The following MYH6 variants were observed in gnomAD, a reference collection of about 807,000 sequenced individuals.
MYH6 encodes the protein myosin heavy chain 6.
A neutral mutation model predicts 223.2 loss-of-function variants in MYH6; 126 were observed. The observed-to-expected ratio is 0.56, with a 90% CI of 0.49 to 0.65. The LOEUF (loss-of-function observed/expected upper bound fraction) is 0.65, where lower values mean the gene tolerates loss of function less well. Ranked by LOEUF, MYH6 falls within the 30% of genes least tolerant of loss-of-function variation. The pLI, the probability that MYH6 is intolerant of heterozygous loss-of-function variation, is 0.00. For missense variants in MYH6, 2,040 were observed against 2,536.4 expected (o/e 0.80, Z 4.20); for synonymous variants, 978 against 1,010.2 (o/e 0.97, Z 0.61).
intron 17 of MYH6, 44 bp from the exon 18 acceptor site, chr14:23,397,124 T>G (rs1358577937): frequency 6.2e-7 from 1 of 1,614,216 alleles, no homozygotes; most frequent in Admixed American, 1.7e-5. Flanking sequence ...TAGGGTAAAG[T>G]GGATGCCAGC....
Position 23,387,842 on chromosome 14 carries a change from T to A in MYH6, c.4441A>T (p.Thr1481Ser), listed in dbSNP as rs780855004. Residue 1481 changes from threonine (T) to serine (S), a missense_variant, in exon 31 of 39, where the codon ACA becomes TCA. By Grantham distance (58) the Thr-to-Ser change is moderately conservative. This residue lies in a region of MYH6 where 1,203 missense variants were observed against 1,400.2 expected (regional missense o/e 0.86). Transcript: ENST00000405093. ...GCGTTCTTGAGCTTGAAGAGCTCTG[T>A]GCTGAGGGAGCGAGCCTCCTTCTGT... The part of the protein sequence containing the change: ...SSQKEARSLS[T>S]ELFKLKNAYE... 6.2e-7 allele frequency: 1 copy of A among 1,614,118 alleles called. No individual in the cohort carries two copies. The highest frequency in any genetic ancestry group is 1.1e-5 in the South Asian group (1 of 91,082).
intron 13 of MYH6, 105 bp from the exon 14 acceptor site, chr14:23,400,531 T>A (rs1226645714): frequency 6.3e-7 from 1 of 1,596,418 alleles, no homozygotes; most frequent in African/African-American, 1.3e-5. Context: ...GGCTGTCCCC[T>A]CCATGTCAGG....
chr14:23,400,964 C>A lies in MYH6; in HGVS notation c.1155G>T (p.Ser385=), dbSNP rs147903010. 20 of 1,614,116 alleles carry A rather than the reference C, an allele frequency of 1.2e-5. No individual in the cohort carries two copies. In the Admixed American group the frequency reaches 3.0e-4, roughly 24 times the overall value. The part of the protein sequence containing the change: ...EPDGTEDADK[S]AYLMGLNSAD... ...CTGAGTTCAGCCCCATGAGGTAGGC[C>A]GACTTGTCAGCATCTGGTTGAGAGG... Residue 385 remains serine (S), a synonymous_variant, in exon 13 of 39, where the codon TCG becomes TCT. Coordinates refer to ENST00000405093, the MANE Select transcript of MYH6 (RefSeq NM_002471.4).
rs201845555 is a variant in MYH6, at chr14:23,397,663, C to G, written c.1892-50G>C. The G allele has an allele frequency of 2.8e-4, 448 of 1,592,860 alleles. 1 individual carries two copies. Among genetic ancestry groups the G allele is most frequent in the Non-Finnish European group, 2.2e-4 (253 of 1,161,230 alleles). ...CAACAGGAGCTGGAAAATAAAGGAG[C>G]CCTTGGGCAGAGGCAGAGCTCTGCT... On this transcript the variant is annotated intron_variant, in intron 15 of 38. Transcript: ENST00000405093.
chr14:23,397,964 C>CTTCTTCTTCTTCTTCTTCTTCTTCTAT (rs1891471811), intron 15 of MYH6, among the ~76,000 whole-genome samples: 3 of 124,636 alleles, frequency 2.4e-5, no homozygotes, highest in Non-Finnish European at 5.0e-5. Context: ...TCTTCTTCTT[C>CTTCTTCTTCTTCTTCTTCTTCTTCTAT]TTCTTCTTCT....
rs773659892 is a variant in MYH6 at position 23,400,861 on chromosome 14, G to A, written c.1258C>T (p.Gln420Ter). ...AGAGCCCCGATGGAGTAGTACACCT[G>A]CTGCACGCTCTGCCCCTTGGTGACA... ...EYVTKGQSVQ[Q>*]VYYSIGALAK... The change falls in exon 13 of 39, where the codon CAG becomes TAG. Residue 420 changes from glutamine to a stop codon, truncating the protein, a stop_gained. Coordinates refer to ENST00000405093, the MANE Select transcript of MYH6 (RefSeq NM_002471.4). LOFTEE classifies it high-confidence loss of function. The A allele has an allele frequency of 1.2e-6, 2 of 1,614,224 alleles. No homozygotes were observed. Among genetic ancestry groups the A allele is most frequent in the South Asian group, 1.1e-5 (1 of 91,084 alleles).
At chr14:23,399,111 C>A in intron 14 of MYH6, 74 bp from the exon 15 acceptor site, 1 of 1,573,578 alleles carries the variant, frequency 6.4e-7, no homozygotes, top group Non-Finnish European at 8.7e-7. Flanking sequence ...CATACCCTGA[C>A]AGGAAAAGGA....
At chr14:23,387,336 AGACT>A (rs1891060622) in intron 32 of MYH6, among the ~76,000 whole-genome samples, 189 bp downstream of exon 32, 1 of 152,204 alleles carries the variant, frequency 6.6e-6, no homozygotes, top group Non-Finnish European at 1.5e-5. Flanking sequence ...GCCTCTAATC[AGACT>A]GACATTTTCC....
rs1595066044 is a variant in MYH6, at chr14:23,407,576, C to T, written c.-14G>A. On this transcript the variant is annotated splice_region_variant and 5_prime_UTR_variant, in exon 2 of 39. Coordinates refer to ENST00000405093, the MANE Select transcript of MYH6 (RefSeq NM_002471.4). This position sits in a 1 kb window ranked among gnomAD's most constrained non-coding sequence, Gnocchi z 5.6. ...CAGAGAAAATGGGGGCAGTTCTCAC[C>T]TGGTTATCCCTTCACGGAGAATCCT... The T allele has an allele frequency of 3.3e-6, 4 of 1,206,630 alleles. No individual in the cohort carries two copies. In the South Asian group the frequency reaches 5.2e-5, roughly 16 times the overall value. 74.7% of individuals were successfully genotyped at this position (1,206,630 alleles called of 1,614,324 possible).
chr14:23,389,194 G>T, intron 28 of MYH6, 139 bp from the exon 29 acceptor site: 1 of 1,223,296 alleles, frequency 8.2e-7, no homozygotes, highest in Non-Finnish European at 1.1e-6. Context: ...TGTTTGAGGA[G>T]TTTCCCAGTC....
At chr14:23,399,664 A>G (rs1042812572) in intron 14 of MYH6, 2 of 192,114 alleles carry the variant, frequency 1.0e-5, no homozygotes, top group South Asian at 1.1e-4. Context: ...GCTCTGAAAC[A>G]TGAGAACTCT....
At position 23,405,427 on chromosome 14, in the gene MYH6, G is replaced by A. The variant is rs1341524278; in HGVS notation, c.346-48C>T. 1.2e-6 allele frequency: 2 copies of A among 1,613,632 alleles called. No homozygotes were observed. The highest frequency in any genetic ancestry group is 1.7e-5 in the Admixed American group (1 of 60,010). On this transcript the variant is annotated intron_variant, in intron 4 of 38. Coordinates refer to ENST00000405093, the MANE Select transcript of MYH6 (RefSeq NM_002471.4). This position sits in a 1 kb window ranked among gnomAD's most constrained non-coding sequence, Gnocchi z 4.7. Reference sequence around the variant, plus strand: ...GCATGAGGTTGGTGGGGAGAGCCTGGGACAGGCAGTGGTGGCAGCCAGGCA... The same window carrying A: ...GCATGAGGTTGGTGGGGAGAGCCTGAGACAGGCAGTGGTGGCAGCCAGGCA...
chr14:23,394,420 T>C, intron 20 of MYH6, 97 bp from the exon 21 acceptor site: 1 of 1,476,248 alleles, frequency 6.8e-7, no homozygotes, highest in Non-Finnish European at 9.2e-7. Context: ...TAGACTTCCT[T>C]CTTGTGCACA....
rs1398810232 is a variant in MYH6 at position 23,387,626 on chromosome 14, A to T, written c.4553T>A (p.Leu1518Gln). The part of the protein sequence containing the change: ...QEEISDLTEQ[L>Q]GEGGKNVHEL... The stretch of plus-strand genomic sequence containing the variant: ...ATGCACATTCTTTCCTCCTTCTCCT[A>T]GCTGCTCAGTAAGGTCCGAGATTTC... Residue 1518 changes from leucine (L) to glutamine (Q), a missense_variant, in exon 32 of 39, where the codon CTA becomes CAA. Physicochemically the swap from Leu to Gln is moderately radical, Grantham distance 113. Coordinates refer to ENST00000405093, the MANE Select transcript of MYH6 (RefSeq NM_002471.4). 1 of 1,613,766 alleles carries T rather than the reference A, an allele frequency of 6.2e-7. No homozygotes were observed. Among genetic ancestry groups the T allele is most frequent in the African/African-American group, 1.3e-5 (1 of 74,810 alleles).
intron 31 of MYH6, 27 bp downstream of exon 31, chr14:23,387,731 C>A: frequency 3.1e-6 from 5 of 1,614,086 alleles, no homozygotes; most frequent in Non-Finnish European, 4.2e-6. Flanking sequence ...ACCAACTCAT[C>A]TCTGGCCTCT....
In MYH6 at chr14:23,403,528, C is replaced by A. The variant is rs1891678349; in HGVS notation, c.800-82G>T. The A allele has an allele frequency of 4.7e-6, 6 of 1,272,218 alleles. No individual in the cohort carries two copies. In the South Asian group the frequency reaches 5.9e-5, roughly 13 times the overall value. 78.8% of individuals were successfully genotyped at this position (1,272,218 alleles called of 1,614,324 possible). A position where few individuals can be genotyped will look rare whatever the true frequency, so the allele number is the denominator to read the frequency against. On this transcript the variant is annotated intron_variant, in intron 9 of 38. Coordinates refer to ENST00000405093, the MANE Select transcript of MYH6 (RefSeq NM_002471.4). ...AAAAGGTGGCCATGGGGGCAGAGGG[C>A]AGGGGGCACCCACAGCTTGATGAAG...
chr14:23,404,879 C>T, intron 6 of MYH6, 57 bp from the exon 7 acceptor site: 1 of 1,550,552 alleles, frequency 6.4e-7, no homozygotes, highest in South Asian at 1.1e-5. Flanking sequence ...CCATACAGGG[C>T]TCAGCATCAC....
At chr14:23,382,155 G>A in intron 38 of MYH6, 92 bp from the exon 39 acceptor site, 1 of 1,305,082 alleles carries the variant, frequency 7.7e-7, no homozygotes, top group Non-Finnish European at 1.1e-6. Flanking sequence ...GCCTAAGGGA[G>A]ATGCCCTTGG....
intron 37 of MYH6, 51 bp downstream of exon 37, chr14:23,383,174 T>C (rs1286721273): frequency 4.1e-6 from 6 of 1,480,054 alleles, no homozygotes; most frequent in Non-Finnish European, 5.7e-6. Context: ...TCATTGGTTC[T>C]CACAAATAGT....
Sources: allele counts gnomAD v4.1 joint callset (sites outside exome capture counted in the v4.1 genomes callset), GRCh38; gene constraint gnomAD v4.1.1; regional missense constraint gnomAD v4.1.1; non-coding constraint Gnocchi (gnomAD v3.1); transcripts MANE v1.5; gene names NCBI Gene and HGNC (gene_info 2026-07-23, HGNC 2026-07-21).